Variants in TRIM2 observed in about 807,000 individuals in gnomAD.
TRIM2 encodes tripartite motif containing 2.
In TRIM2, 20 loss-of-function variants were observed where a neutral mutation model predicts 75.2. The observed-to-expected ratio is 0.27, with a 90% CI of 0.19 to 0.39. The LOEUF (loss-of-function observed/expected upper bound fraction) is 0.39, where lower values mean the gene tolerates loss of function less well. Among genes scored for constraint, TRIM2 ranks in the 10% least tolerant of loss-of-function variants. The pLI is 1.00. For synonymous variants in TRIM2, 373 were observed against 388.3 expected (o/e 0.96, Z 0.46); for missense variants, 660 against 990.8 (o/e 0.67, Z 4.48).
rs1772649950 is a variant in TRIM2, at chr4:153,338,006, C to T, written c.*3040C>T. 10 of 985,732 alleles carry T rather than the reference C, an allele frequency of 1.0e-5. No homozygotes were observed. Among genetic ancestry groups the T allele is most frequent in the Non-Finnish European group, 1.2e-5 (10 of 829,914 alleles). The allele number at this position is 985,732 out of a possible 1,614,324, so 61.1% of individuals were successfully genotyped here. On this transcript the variant is annotated 3_prime_UTR_variant, in exon 12 of 12. Transcript: ENST00000338700. Reference sequence around the variant, plus strand: ...CTGTTTGCCATTTTTTTTAATGGTACTTAGTATTTTGATCAAACTTTAGTC... The same window carrying T: ...CTGTTTGCCATTTTTTTTAATGGTATTTAGTATTTTGATCAAACTTTAGTC...
rs186598074 is a variant in TRIM2, at chr4:153,244,121, A to G, written c.31-26214A>G. On this transcript the variant is annotated intron_variant, in intron 1 of 11. Coordinates refer to ENST00000338700, the MANE Select transcript of TRIM2 (RefSeq NM_015271.5). The stretch of plus-strand genomic sequence containing the variant: ...ACACATGAGCTACTGTGCCACTGCC[A>G]TCTTCTTCTTCTTCTTCTTCTTGTT... Among the ~76,000 whole-genome samples the G allele has an allele frequency of 5.3e-3, 771 of 145,726 alleles. 4 individuals carry two copies. The highest frequency in any genetic ancestry group is 0.018 in the African/African-American group (701 of 38,138).
At chr4:153,231,571 G>A (rs967610486) in intron 1 of TRIM2, among the ~76,000 whole-genome samples, 9 of 152,124 alleles carry the variant, frequency 5.9e-5, no homozygotes, top group African/African-American at 1.7e-4. Flanking sequence ...CAAGGAAGTC[G>A]TGGGCATTGA....
chr4:153,271,762 G>A (rs1756724194), intron 2 of TRIM2, among the ~76,000 whole-genome samples: 1 of 152,078 alleles, frequency 6.6e-6, no homozygotes, highest in African/African-American at 2.4e-5. Flanking sequence ...CCAGCTAATA[G>A]TCCATGTGTC....
intron 6 of TRIM2, among the ~76,000 whole-genome samples, chr4:153,304,426 A>C (rs770556526): frequency 6.6e-6 from 1 of 152,008 alleles, no homozygotes; most frequent in African/African-American, 2.4e-5. Flanking sequence ...TTGAGATGAC[A>C]TTTAAATTTA....
intron 1 of TRIM2, among the ~76,000 whole-genome samples, chr4:153,184,497 A>G (rs904541952): frequency 6.6e-6 from 1 of 152,164 alleles, no homozygotes; most frequent in Non-Finnish European, 1.5e-5. Context: ...TAGGGTTTCA[A>G]TGGATGCATT....
At chr4:153,244,833 A>C (rs924026364) in intron 1 of TRIM2, among the ~76,000 whole-genome samples, 2 of 152,244 alleles carry the variant, frequency 1.3e-5, no homozygotes, top group Non-Finnish European at 2.9e-5. Flanking sequence ...GGAGAAGGAA[A>C]GGAAAGAATG....
intron 1 of TRIM2, among the ~76,000 whole-genome samples, chr4:153,234,981 C>G (rs1309532781): frequency 5.3e-5 from 8 of 152,222 alleles, no homozygotes; most frequent in African/African-American, 1.9e-4. Flanking sequence ...CTGCTGCCCC[C>G]AGCTGTGTAC....
intron 1 of TRIM2, among the ~76,000 whole-genome samples, chr4:153,214,024 T>C (rs1737799663): frequency 6.6e-6 from 1 of 151,956 alleles, no homozygotes; most frequent in Non-Finnish European, 1.5e-5. Context: ...TGGGCTGGCA[T>C]TGAAACCCAG....
intron 1 of TRIM2, among the ~76,000 whole-genome samples, chr4:153,241,293 T>G (rs532923045): frequency 6.6e-6 from 1 of 152,324 alleles, no homozygotes; most frequent in Non-Finnish European, 1.5e-5. Flanking sequence ...CACACAGCTC[T>G]GGCTAATGTC....
intron 3 of TRIM2, among the ~76,000 whole-genome samples, chr4:153,292,629 A>G (rs1762046662): frequency 6.6e-6 from 1 of 152,224 alleles, no homozygotes; most frequent in Non-Finnish European, 1.5e-5. Context: ...CTATAAATAT[A>G]ACCCACATAC....
At chr4:153,174,281 A>G (rs1413954473) in intron 1 of TRIM2, among the ~76,000 whole-genome samples, 1 of 151,588 alleles carries the variant, frequency 6.6e-6, no homozygotes, top group East Asian at 2.0e-4. Flanking sequence ...CCCCCCCTGA[A>G]AGTGTGGCTG....
At position 153,175,017 on chromosome 4, in the gene TRIM2, G is replaced by GT. The variant is rs142893145; in HGVS notation, c.-49+21756dup. Among the ~76,000 whole-genome samples the GT allele has an allele frequency of 4.2e-3, 259 of 62,022 alleles. 2 individuals are homozygous for GT. Among genetic ancestry groups the GT allele is most frequent in the African/African-American group, 0.013 (230 of 17,900 alleles). The allele number at this position is 62,022 out of a possible 152,430, so 40.7% of individuals were successfully genotyped here. ...TGTTGTTTTGTTTTTGTTTTGTTTT[G>GT]TTTTTTTTTGAGACAGAGTTTTGCT... On this transcript the variant is annotated intron_variant, in intron 1 of 11. Transcript: ENST00000437508.
chr4:153,232,964 C>T (rs574346435), intron 1 of TRIM2, among the ~76,000 whole-genome samples: 1 of 152,148 alleles, frequency 6.6e-6, no homozygotes, highest in African/African-American at 2.4e-5. Flanking sequence ...GGAGCTGTCC[C>T]CTGGGCCACT....
rs72414117 is a variant in TRIM2 at position 153,273,270 on chromosome 4, C to CTTTTT, written c.216-2604_216-2600dup. Among the ~76,000 whole-genome samples, 67 of 57,378 alleles carry CTTTTT rather than the reference C, an allele frequency of 1.2e-3. 11 individuals carry two copies. Among genetic ancestry groups the CTTTTT allele is most frequent in the African/African-American group, 3.3e-3 (47 of 14,302 alleles). 37.6% of individuals were successfully genotyped at this position (57,378 alleles called of 152,430 possible). A position where few individuals can be genotyped will look rare whatever the true frequency, so the allele number is the denominator to read the frequency against. ...ACTCAGTGAGCACCTTACAGTCACT[C>CTTTTT]TTTTTTTTTTTTTTTTTTTTTTTGA... On this transcript the variant is annotated intron_variant, in intron 2 of 11. Coordinates refer to ENST00000338700, the MANE Select transcript of TRIM2 (RefSeq NM_015271.5).
intron 1 of TRIM2, among the ~76,000 whole-genome samples, chr4:153,187,837 G>A (rs1327788290): frequency 6.6e-6 from 1 of 152,152 alleles, no homozygotes; most frequent in East Asian, 1.9e-4. Flanking sequence ...CATCTCCAAG[G>A]CCCCACACAA....
intron 4 of TRIM2, among the ~76,000 whole-genome samples, chr4:153,293,934 G>C (rs1762304539): frequency 6.6e-6 from 1 of 152,184 alleles, no homozygotes; most frequent in Admixed American, 6.5e-5. Context: ...AGGGCGGGGA[G>C]AGCTATTGGT....
intron 1 of TRIM2, among the ~76,000 whole-genome samples, chr4:153,230,484 A>G (rs60715090): frequency 0.052 from 7,953 of 152,248 alleles, 641 homozygotes; most frequent in African/African-American, 0.17. Flanking sequence ...CACCCAGCCC[A>G]TGTTCAGTCT....
chr4:153,286,750 C>G (rs1039829838), intron 3 of TRIM2, among the ~76,000 whole-genome samples: 1 of 151,468 alleles, frequency 6.6e-6, no homozygotes, highest in African/African-American at 2.4e-5. Context: ...CACACACACA[C>G]ACCCACCACC....
chr4:153,163,802 G>A (rs180969669), intron 1 of TRIM2, among the ~76,000 whole-genome samples: 32 of 151,778 alleles, frequency 2.1e-4, no homozygotes, highest in Admixed American at 1.5e-3. Flanking sequence ...GTGCTCAGCC[G>A]ATTTACATCT....
Sources: allele counts gnomAD v4.1 joint callset (sites outside exome capture counted in the v4.1 genomes callset), GRCh38; gene constraint gnomAD v4.1.1; transcripts MANE v1.5; gene names NCBI Gene and HGNC (gene_info 2026-07-23, HGNC 2026-07-21).